The following ROBO2 variants were observed in gnomAD, a reference collection of about 807,000 sequenced individuals.
ROBO2 encodes the protein roundabout guidance receptor 2, also known as roundabout homolog 2.
In ROBO2, 53 loss-of-function variants were observed where a neutral mutation model predicts 160.8. That is an observed-to-expected ratio of 0.33 (90% CI 0.26 to 0.41). The LOEUF (loss-of-function observed/expected upper bound fraction) is 0.41, where lower values mean the gene tolerates loss of function less well. Ranked by LOEUF, ROBO2 falls within the 10% of genes least tolerant of loss-of-function variation. The probability of loss-of-function intolerance (pLI) is 1.00; values close to 1 mark genes in which losing one functional copy is unlikely to be tolerated. For synonymous variants in ROBO2, 664 were observed against 611.7 expected, an observed-to-expected ratio of 1.09 and a Z score of -1.26; for missense variants, 1,577 against 1,722.4, an observed-to-expected ratio of 0.92 and a Z score of 1.49.
chr3:76,012,246 A>G (rs1406082088), intron 2 of ROBO2, among the ~76,000 whole-genome samples: 1 of 152,142 alleles, frequency 6.6e-6, no homozygotes, highest in African/African-American at 2.4e-5. Flanking sequence ...TGTTCCAGCA[A>G]TTATAATTAT....
chr3:77,534,887 T>C (rs1164554987), intron 6 of ROBO2, among the ~76,000 whole-genome samples: 1 of 152,180 alleles, frequency 6.6e-6, no homozygotes. Context: ...GGCACACAAA[T>C]GTTGGTGCAG....
chr3:76,555,362 AGAAGAAGAAGAAGAAG>A (rs1284236748), intron 2 of ROBO2, among the ~76,000 whole-genome samples: 1,592 of 50,532 alleles, frequency 0.032, 32 homozygotes, highest in South Asian at 0.091. Context: ...GGAAGAGAGA[AGAAGAAGAAGAAGAAG>A]AAGAAGAAGA....
intron 2 of ROBO2, among the ~76,000 whole-genome samples, chr3:76,912,101 T>A (rs2076028209): frequency 6.6e-6 from 1 of 152,326 alleles, no homozygotes; most frequent in South Asian, 2.1e-4. Context: ...ACATTAGACA[T>A]AGGATCCCAT....
At chr3:76,447,603 T>C (rs2077255114) in intron 2 of ROBO2, among the ~76,000 whole-genome samples, 1 of 150,100 alleles carries the variant, frequency 6.7e-6, no homozygotes, top group Admixed American at 6.7e-5. Context: ...GTATGTATAT[T>C]GCGGCACTAT....
At chr3:77,201,158 A>G (rs1560220942) in intron 2 of ROBO2, among the ~76,000 whole-genome samples, 1 of 152,196 alleles carries the variant, frequency 6.6e-6, no homozygotes, top group Non-Finnish European at 1.5e-5. Context: ...GTGGAAAACC[A>G]AAGCTACAGA....
intron 13 of ROBO2, among the ~76,000 whole-genome samples, chr3:77,572,376 C>G (rs2093658663): frequency 6.6e-6 from 1 of 151,874 alleles, no homozygotes; most frequent in Non-Finnish European, 1.5e-5. Context: ...TCTTGGTTGC[C>G]TTATTTCATA....
intron 2 of ROBO2, among the ~76,000 whole-genome samples, chr3:76,931,653 C>G (rs986601016): frequency 2.6e-5 from 4 of 151,846 alleles, no homozygotes; most frequent in Non-Finnish European, 5.9e-5. Context: ...CTTCGTCAGT[C>G]TAGTATTATA....
chr3:76,634,127 T>C (rs1013698801), intron 2 of ROBO2, among the ~76,000 whole-genome samples: 1 of 152,240 alleles, frequency 6.6e-6, no homozygotes, highest in Non-Finnish European at 1.5e-5. Context: ...TTCAGCAAGC[T>C]AGCGAGCAAA....
At position 76,219,703 on chromosome 3, in the gene ROBO2, A is replaced by G. The variant is rs529429815; in HGVS notation, c.109+282101A>G. Among the ~76,000 whole-genome samples the G allele has an allele frequency of 9.8e-5, 15 of 152,316 alleles. No individual in the cohort carries two copies. The South Asian group carries it at 3.1e-3, about 32-fold the overall frequency. On this transcript the variant is annotated intron_variant, in intron 2 of 26. Coordinates refer to the ROBO2 transcript ENST00000487694. ...CAGGTGATGGAGAGGATGTGGAGAAATAGGAACACTTTTACACTGTTCGTG... is the reference window on the plus strand; with the variant it reads ...CAGGTGATGGAGAGGATGTGGAGAAGTAGGAACACTTTTACACTGTTCGTG...
At chr3:77,019,975 G>T (rs1022148930) in intron 2 of ROBO2, among the ~76,000 whole-genome samples, 14 of 152,238 alleles carry the variant, frequency 9.2e-5, no homozygotes, top group Admixed American at 5.9e-4. Flanking sequence ...GTAGTGAGGT[G>T]CCAAAGGATC....
At chr3:76,212,430 G>T (rs556399066) in intron 2 of ROBO2, among the ~76,000 whole-genome samples, 1 of 151,940 alleles carries the variant, frequency 6.6e-6, no homozygotes, top group Non-Finnish European at 1.5e-5. Context: ...GGCTAAAATA[G>T]AAATCAGAAA....
At chr3:77,502,958 A>G (rs2087838218) in intron 5 of ROBO2, among the ~76,000 whole-genome samples, 1 of 152,144 alleles carries the variant, frequency 6.6e-6, no homozygotes, top group Admixed American at 6.5e-5. Context: ...AGTTTAATTC[A>G]TCTTTCACAT....
intron 1 of ROBO2, among the ~76,000 whole-genome samples, chr3:75,932,279 A>C (rs1947578360): frequency 6.6e-6 from 1 of 152,186 alleles, no homozygotes; most frequent in South Asian, 2.1e-4. Flanking sequence ...AGTTATATTC[A>C]TTTAAACTTA....
chr3:77,066,039 G>A (rs2066806339), intron 1 of ROBO2, among the ~76,000 whole-genome samples: 1 of 152,040 alleles, frequency 6.6e-6, no homozygotes, highest in African/African-American at 2.4e-5. Context: ...TTAAAAAAAT[G>A]TGTATAAAAA....
At chr3:76,399,460 A>G (rs1177242069) in intron 2 of ROBO2, among the ~76,000 whole-genome samples, 1 of 151,780 alleles carries the variant, frequency 6.6e-6, no homozygotes, top group Non-Finnish European at 1.5e-5. Flanking sequence ...ATCTGAAACT[A>G]TACTATGATG....
At chr3:76,084,817 G>A (rs2068952511) in intron 2 of ROBO2, among the ~76,000 whole-genome samples, 2 of 152,126 alleles carry the variant, frequency 1.3e-5, no homozygotes, top group Admixed American at 6.6e-5. Context: ...GAGGCAATTA[G>A]GATATTCTCT....
intron 2 of ROBO2, among the ~76,000 whole-genome samples, chr3:76,317,909 C>G (rs957593403): frequency 1.3e-5 from 2 of 151,782 alleles, no homozygotes; most frequent in Admixed American, 6.6e-5. Flanking sequence ...ATAGATTTGT[C>G]TTAGCTATAG....
rs1488089017 is a variant in ROBO2, at chr3:76,246,079, AAAT to A, written c.109+308480_109+308482del. ...TTAGCAACATGGAAGAGCCCATTGAAAATAACACACTTTCTAGGTGGTATGTGT... is the reference window on the plus strand; with the variant it reads ...TTAGCAACATGGAAGAGCCCATTGAAAACACACTTTCTAGGTGGTATGTGT... On this transcript the variant is annotated intron_variant, in intron 2 of 26. Coordinates refer to the ROBO2 transcript ENST00000487694. Among the ~76,000 whole-genome samples, 45 of 152,272 alleles carry A rather than the reference AAAT, an allele frequency of 3.0e-4. No homozygotes were observed. In the East Asian group the frequency reaches 8.3e-3, roughly 28 times the overall value.
intron 6 of ROBO2, among the ~76,000 whole-genome samples, chr3:77,542,403 A>G (rs1251856274): frequency 1.3e-5 from 2 of 152,292 alleles, no homozygotes; most frequent in East Asian, 3.9e-4. Flanking sequence ...TTAAAATATG[A>G]TTAGATGATT....
Sources: allele counts gnomAD v4.1 joint callset (sites outside exome capture counted in the v4.1 genomes callset), GRCh38; gene constraint gnomAD v4.1.1; transcripts MANE v1.5; gene names NCBI Gene and HGNC (gene_info 2026-07-23, HGNC 2026-07-21).